Variants in TTC28 observed in about 807,000 individuals in gnomAD.
TTC28 encodes tetratricopeptide repeat domain 28.
In TTC28, 61 loss-of-function variants were observed where a neutral mutation model predicts 198.0. That is an observed-to-expected ratio of 0.31 (90% confidence interval 0.25 to 0.38). The LOEUF is 0.38. Ranked by LOEUF, TTC28 falls within the 10% of genes least tolerant of loss-of-function variation. The pLI is 1.00. For synonymous variants in TTC28, 1,171 were observed against 1,297.8 expected, an observed-to-expected ratio of 0.90 and a Z score of 2.10; for missense variants, 2,678 against 3,164.0, an observed-to-expected ratio of 0.85 and a Z score of 3.69.
At chr22:28,635,421 T>C (rs1412314794) in intron 1 of TTC28, among the ~76,000 whole-genome samples, 1 of 152,162 alleles carries the variant, frequency 6.6e-6, no homozygotes, top group Admixed American at 6.5e-5. Context: ...TAACCATTAT[T>C]TATTCCCTCA....
Position 28,378,105 on chromosome 22 carries a change from G to A in TTC28, c.382-71462C>T, listed in dbSNP as rs76885985. Among the ~76,000 whole-genome samples the A allele has an allele frequency of 1.8e-3, 274 of 152,218 alleles. 1 individual carries two copies. The highest frequency in any genetic ancestry group is 6.4e-3 in the African/African-American group (268 of 41,554). ...GCCTATAATCCCAGCACCTGGGGAG[G>A]GCCAAGGTGGGCAGATTATTCAAGG... On this transcript the variant is annotated intron_variant, in intron 2 of 22. Coordinates refer to ENST00000397906, the MANE Select transcript of TTC28 (RefSeq NM_001145418.2).
intron 2 of TTC28, among the ~76,000 whole-genome samples, chr22:28,377,195 T>C (rs1290920773): frequency 8.0e-6 from 1 of 124,464 alleles, no homozygotes; most frequent in Non-Finnish European, 1.7e-5. Flanking sequence ...TAATATATTG[T>C]AAAGTAAAAA....
At chr22:28,313,196 G>T (rs138504718) in intron 2 of TTC28, among the ~76,000 whole-genome samples, 1 of 152,092 alleles carries the variant, frequency 6.6e-6, no homozygotes, top group African/African-American at 2.4e-5. Context: ...CCAATAACAG[G>T]TTCTGAAATT....
At chr22:28,380,348 TG>T (rs1325874344) in intron 2 of TTC28, among the ~76,000 whole-genome samples, 1 of 152,120 alleles carries the variant, frequency 6.6e-6, no homozygotes, top group East Asian at 1.9e-4. Flanking sequence ...CAGACAATGC[TG>T]GAAACTATTA....
intron 2 of TTC28, among the ~76,000 whole-genome samples, chr22:28,491,825 G>A (rs1268207777): frequency 2.0e-5 from 3 of 152,100 alleles, no homozygotes; most frequent in Non-Finnish European, 4.4e-5. Context: ...GTTTATTGTG[G>A]CACTATTCAC....
At chr22:28,404,295 T>C (rs1021045090) in intron 2 of TTC28, among the ~76,000 whole-genome samples, 3 of 152,074 alleles carry the variant, frequency 2.0e-5, no homozygotes, top group African/African-American at 4.8e-5. Context: ...AATTTTTGTA[T>C]TTTTAATAGA....
chr22:28,031,864 G>C (rs1312973334), intron 12 of TTC28, among the ~76,000 whole-genome samples: 1 of 152,052 alleles, frequency 6.6e-6, no homozygotes, highest in East Asian at 1.9e-4. Context: ...TCCCCAGTGT[G>C]AGTGGGCCTC....
At chr22:28,233,792 T>G (rs553580064) in intron 5 of TTC28, among the ~76,000 whole-genome samples, 1 of 152,316 alleles carries the variant, frequency 6.6e-6, no homozygotes, top group Non-Finnish European at 1.5e-5. Flanking sequence ...TCGCCCAGGC[T>G]GGAGTGCAGT....
chr22:28,110,715 G>A (rs1002885216), intron 6 of TTC28, among the ~76,000 whole-genome samples: 4 of 152,072 alleles, frequency 2.6e-5, no homozygotes, highest in East Asian at 3.9e-4. Context: ...CAAGAGGATC[G>A]CTTGAGCTTA....
intron 5 of TTC28, among the ~76,000 whole-genome samples, chr22:28,253,248 A>G (rs1039465170): frequency 3.3e-5 from 5 of 152,236 alleles, no homozygotes; most frequent in Non-Finnish European, 5.9e-5. Flanking sequence ...CTTCCAAATC[A>G]ATTGAAGTAA....
At chr22:28,322,950 A>G (rs1219471176) in intron 2 of TTC28, among the ~76,000 whole-genome samples, 1 of 152,182 alleles carries the variant, frequency 6.6e-6, no homozygotes, top group Non-Finnish European at 1.5e-5. Context: ...TCAGTCTTCA[A>G]CATTTTCTAC....
intron 5 of TTC28, among the ~76,000 whole-genome samples, chr22:28,288,796 G>C (rs2044735154): frequency 6.8e-6 from 1 of 146,212 alleles, no homozygotes; most frequent in African/African-American, 2.5e-5. Context: ...CTGGGCGACA[G>C]AGCGAGACTC....
chr22:28,182,030 AATATT>A (rs1923747410), intron 5 of TTC28, among the ~76,000 whole-genome samples: 1 of 152,176 alleles, frequency 6.6e-6, no homozygotes, highest in Admixed American at 6.5e-5. Context: ...CCATCCATGA[AATATT>A]AGAGAGTCGA....
intron 12 of TTC28, among the ~76,000 whole-genome samples, chr22:28,066,304 G>GTGT (rs71803180): frequency 6.8e-6 from 1 of 147,104 alleles, no homozygotes; most frequent in Non-Finnish European, 1.5e-5. Context: ...GTGTGTGTGT[G>GTGT]GTGTGTGTGT....
intron 2 of TTC28, among the ~76,000 whole-genome samples, chr22:28,312,241 C>A (rs2045274000): frequency 6.6e-6 from 1 of 152,102 alleles, no homozygotes; most frequent in African/African-American, 2.4e-5. Flanking sequence ...TACAAAGAGA[C>A]TTAGACTCCC....
At chr22:28,302,097 G>GT (rs1477460155) in intron 3 of TTC28, among the ~76,000 whole-genome samples, 1 of 151,738 alleles carries the variant, frequency 6.6e-6, no homozygotes, top group Non-Finnish European at 1.5e-5. Context: ...CTTAGAAGTG[G>GT]TAAAATGTGC....
intron 1 of TTC28, among the ~76,000 whole-genome samples, chr22:28,657,611 G>T (rs1409219068): frequency 6.6e-6 from 1 of 152,226 alleles, no homozygotes; most frequent in South Asian, 2.1e-4. Context: ...GGGCGTGGTG[G>T]CTCACGCCTA....
chr22:28,505,028 G>C (rs531880649), intron 2 of TTC28, among the ~76,000 whole-genome samples: 3 of 152,082 alleles, frequency 2.0e-5, no homozygotes, highest in South Asian at 2.1e-4. Context: ...AGGCCGAGGT[G>C]GGCGGATCAC....
chr22:28,605,362 G>C (rs760294299), intron 2 of TTC28, among the ~76,000 whole-genome samples: 1 of 152,206 alleles, frequency 6.6e-6, no homozygotes, highest in Non-Finnish European at 1.5e-5. Flanking sequence ...GTGGCCTTAA[G>C]AGAGTCATTT....
Sources: allele counts gnomAD v4.1 joint callset (sites outside exome capture counted in the v4.1 genomes callset), GRCh38; gene constraint gnomAD v4.1.1; transcripts MANE v1.5; gene names NCBI Gene and HGNC (gene_info 2026-07-23, HGNC 2026-07-21).